Variants in APP observed in about 807,000 individuals in gnomAD.
APP encodes amyloid beta precursor protein.
A neutral mutation model predicts 101.4 loss-of-function variants in APP; 31 were observed. The observed-to-expected ratio is 0.31, with a 90% CI of 0.23 to 0.41. The LOEUF is 0.41. Among genes scored for constraint, APP ranks in the 10% least tolerant of loss-of-function variants. The pLI, the probability that APP is intolerant of heterozygous loss-of-function variation, is 1.00. For synonymous variants in APP, 366 were observed against 364.4 expected, an observed-to-expected ratio of 1.00 and a Z score of -0.05; for missense variants, 839 against 1,003.7, an observed-to-expected ratio of 0.84 and a Z score of 2.22.
chr21:26,041,181 C>T (rs45596133), intron 5 of APP, among the ~76,000 whole-genome samples: 1,826 of 152,212 alleles, frequency 0.012, 33 homozygotes, highest in African/African-American at 0.042. Flanking sequence ...CACATGGCTC[C>T]CAAGTAAAGC....
At chr21:25,998,791 C>CAAATAAATAAAT (rs3084256) in intron 7 of APP, among the ~76,000 whole-genome samples, 32 of 151,628 alleles carry the variant, frequency 2.1e-4, no homozygotes, top group African/African-American at 3.6e-4. Flanking sequence ...ACAACAACAA[C>CAAATAAATAAAT]AAATAAATAA....
Position 25,955,775 on chromosome 21 carries a change from A to T in APP, c.1459-20T>A. ...ACGAGGCTGTGGGAGGAAAATGAAA[A>T]ACTCTTTTTCAAGTTTGTGCAAAAC... is the stretch of plus-strand genomic sequence containing the variant. On this transcript the variant is annotated intron_variant, in intron 11 of 17. Transcript: ENST00000346798. 1 of 1,613,954 alleles carries T rather than the reference A, an allele frequency of 6.2e-7. No homozygotes were observed. The highest frequency in any genetic ancestry group is 1.7e-5 in the Admixed American group (1 of 60,000).
intron 3 of APP, among the ~76,000 whole-genome samples, chr21:26,074,881 T>A (rs761040232): frequency 6.6e-6 from 1 of 152,224 alleles, no homozygotes; most frequent in African/African-American, 2.4e-5. Context: ...TAGACATGTG[T>A]AGGATAGGTT....
At chr21:25,940,428 T>C (rs1316911543) in intron 13 of APP, among the ~76,000 whole-genome samples, 1 of 152,230 alleles carries the variant, frequency 6.6e-6, no homozygotes, top group Non-Finnish European at 1.5e-5. Context: ...CAATAGTTTA[T>C]GAAAGTTCCT....
intron 1 of APP, among the ~76,000 whole-genome samples, chr21:26,165,740 C>T (rs2063593702): frequency 6.6e-6 from 1 of 152,150 alleles, no homozygotes; most frequent in African/African-American, 2.4e-5. Flanking sequence ...CATGTTTCTT[C>T]AACATGTAGC....
At chr21:26,140,773 G>GACTCTCCC (rs2063027445) in intron 1 of APP, among the ~76,000 whole-genome samples, 1 of 152,196 alleles carries the variant, frequency 6.6e-6, no homozygotes, top group Non-Finnish European at 1.5e-5. Flanking sequence ...TGGTACTAGT[G>GACTCTCCC]TTAATTCATA....
At chr21:26,082,522 T>C (rs2061618501) in intron 3 of APP, among the ~76,000 whole-genome samples, 1 of 152,234 alleles carries the variant, frequency 6.6e-6, no homozygotes, top group African/African-American at 2.4e-5. Context: ...GTATTCATTA[T>C]AAATGAATGA....
intron 3 of APP, among the ~76,000 whole-genome samples, chr21:26,069,151 G>C (rs192247862): frequency 6.6e-6 from 1 of 152,086 alleles, no homozygotes; most frequent in Non-Finnish European, 1.5e-5. Context: ...CCCGTTGATC[G>C]ATTTCCCCAC....
chr21:26,141,021 A>G (rs2063033833), intron 1 of APP, among the ~76,000 whole-genome samples: 1 of 152,188 alleles, frequency 6.6e-6, no homozygotes, highest in African/African-American at 2.4e-5. Flanking sequence ...AAAGGTTATG[A>G]TGTGGGGTCC....
At chr21:26,124,007 A>G (rs997209261) in intron 1 of APP, among the ~76,000 whole-genome samples, 4 of 152,068 alleles carry the variant, frequency 2.6e-5, no homozygotes, top group Non-Finnish European at 5.9e-5. Context: ...TTTAATGTGC[A>G]AACAAGACAA....
intron 3 of APP, among the ~76,000 whole-genome samples, chr21:26,059,412 A>G (rs1258514116): frequency 6.6e-6 from 1 of 152,190 alleles, no homozygotes; most frequent in Non-Finnish European, 1.5e-5. Context: ...CAATGTAATT[A>G]CTGTAAAATG....
At chr21:26,169,631 C>G (rs1448166499) in intron 1 of APP, among the ~76,000 whole-genome samples, 2 of 152,258 alleles carry the variant, frequency 1.3e-5, no homozygotes, top group African/African-American at 2.4e-5. Flanking sequence ...CCAGAAGCCC[C>G]GGCAGCGTCT....
intron 6 of APP, among the ~76,000 whole-genome samples, chr21:26,020,125 A>C (rs1173574592): frequency 6.6e-6 from 1 of 152,236 alleles, no homozygotes; most frequent in Non-Finnish European, 1.5e-5. Context: ...TAAAAGCTCA[A>C]GTTAAAGAAA....
chr21:26,164,070 C>A (rs1281034987), intron 1 of APP, among the ~76,000 whole-genome samples: 1 of 152,052 alleles, frequency 6.6e-6, no homozygotes, highest in African/African-American at 2.4e-5. Flanking sequence ...CATAGTGAAA[C>A]CCCGTCTCTA....
intron 13 of APP, chr21:25,933,799 T>A (rs1397236589): frequency 6.6e-6 from 1 of 150,940 alleles, no homozygotes; most frequent in Admixed American, 6.6e-5. Context: ...ATGTTATTAT[T>A]TTTTTTTTAA....
intron 1 of APP, chr21:26,140,034 C>A: frequency 1.3e-6 from 1 of 786,608 alleles, no homozygotes; most frequent in South Asian, 1.7e-5. Context: ...AAACTTCATC[C>A]CTACTTTGGT....
intron 17 of APP, 128 bp downstream of exon 17, chr21:25,891,594 C>G (rs959895079): frequency 1.1e-6 from 1 of 926,234 alleles, no homozygotes; most frequent in African/African-American, 1.6e-5. Context: ...AACTGTAACC[C>G]AAGCATCATG....
chr21:26,007,498 T>G (rs769043539), intron 6 of APP, among the ~76,000 whole-genome samples: 3 of 148,434 alleles, frequency 2.0e-5, no homozygotes, highest in Non-Finnish European at 4.5e-5. Flanking sequence ...AATATACAAT[T>G]TATATACATT....
chr21:25,943,890 A>G (rs951827513), intron 13 of APP, among the ~76,000 whole-genome samples: 9 of 152,234 alleles, frequency 5.9e-5, no homozygotes, highest in African/African-American at 2.2e-4. Context: ...ATACTTAAAA[A>G]TCATAAGCTT....
Sources: allele counts gnomAD v4.1 joint callset (sites outside exome capture counted in the v4.1 genomes callset), GRCh38; gene constraint gnomAD v4.1.1; transcripts MANE v1.5; gene names NCBI Gene and HGNC (gene_info 2026-07-23, HGNC 2026-07-21).